TRIM62: variants seen among roughly 807,000 people sequenced by gnomAD.
TRIM62 encodes tripartite motif containing 62, also known as E3 ubiquitin-protein ligase TRIM62.
Under a neutral mutation model 44.2 loss-of-function variants are expected in TRIM62, and 39 were observed. The observed-to-expected ratio is 0.88, with a 90% CI of 0.68 to 1.15. The LOEUF is 1.15. Ranked by LOEUF, TRIM62 falls within the 50% of genes most tolerant of loss-of-function variation. The probability of loss-of-function intolerance (pLI) is 0.00; values close to 1 mark genes in which losing one functional copy is unlikely to be tolerated. For missense variants in TRIM62, 544 were observed against 665.5 expected, an observed-to-expected ratio of 0.82 and a Z score of 2.01; for synonymous variants, 278 against 292.3, an observed-to-expected ratio of 0.95 and a Z score of 0.50.
At position 33,147,240 on chromosome 1, in the gene TRIM62, A is replaced by G; in HGVS notation, c.1365T>C (p.Pro455=). 6.2e-7 allele frequency: 1 copy of G among 1,614,056 alleles called. No homozygotes were observed. Among genetic ancestry groups the G allele is most frequent in the Non-Finnish European group, 8.5e-7 (1 of 1,180,030 alleles). Reference sequence around the variant, plus strand: ...TCTTGCCATTGGCGTGGCTCTGGCCAGGGCTGAAGTAAGAGCAGAGCTTGC... The same window carrying G: ...TCTTGCCATTGGCGTGGCTCTGGCCGGGGCTGAAGTAAGAGCAGAGCTTGC... The part of the protein sequence containing the change: ...FPGKLCSYFS[P]GQSHANGKNV... The change falls in exon 5 of 5, where the codon CCT becomes CCC. Residue 455 remains proline (P), a synonymous_variant. Coordinates refer to ENST00000291416, the MANE Select transcript of TRIM62 (RefSeq NM_018207.3). The surrounding 1 kb of genome is among the most constrained non-coding windows in gnomAD (Gnocchi z 8.1).
At chr1:33,152,028 T>C (rs1476779997) in intron 4 of TRIM62, among the ~76,000 whole-genome samples, 1 of 152,228 alleles carries the variant, frequency 6.6e-6, no homozygotes, top group Non-Finnish European at 1.5e-5. Flanking sequence ...CCCTCAGATG[T>C]ACAGGGCAGA....
chr1:33,180,969 C>G, intron 1 of TRIM62, 56 bp downstream of exon 1: 1 of 575,642 alleles, frequency 1.7e-6, no homozygotes, highest in Non-Finnish European at 2.9e-6. Flanking sequence ...CACCCCCCGC[C>G]CGGCCCCACC....
At chr1:33,164,786 C>G (rs1049959792) in intron 2 of TRIM62, 1 of 151,538 alleles carries the variant, frequency 6.6e-6, no homozygotes, top group South Asian at 2.1e-4. Flanking sequence ...TTCATTCATT[C>G]ATTCATTTTA....
chr1:33,158,435 G>A (rs1010885874), intron 3 of TRIM62, 67 bp from the exon 4 acceptor site: 29 of 1,320,594 alleles, frequency 2.2e-5, no homozygotes, highest in South Asian at 8.3e-5. Flanking sequence ...CAGGGGCCCC[G>A]CAGCCACCTT....
At position 33,174,996 on chromosome 1, in the gene TRIM62, C is replaced by CATGTATTT. The variant is rs1557762514; in HGVS notation, c.408+6028_408+6029insAAATACAT. The stretch of plus-strand genomic sequence containing the variant: ...ACACATATACATATATATGCACACA[C>CATGTATTT]ACATGTATGTATATGTATATGTATA... On this transcript the variant is annotated intron_variant, in intron 1 of 4. Transcript: ENST00000291416. 3.3e-3 allele frequency among the ~76,000 whole-genome samples: 154 copies of CATGTATTT among 46,696 alleles called. 2 individuals carry two copies. The highest frequency in any genetic ancestry group is 0.012 in the African/African-American group (128 of 10,942). 30.6% of individuals were successfully genotyped at this position (46,696 alleles called of 152,430 possible). A position where few individuals can be genotyped will look rare whatever the true frequency, so the allele number is the denominator to read the frequency against.
Position 33,165,525 on chromosome 1 carries a change from C to T in TRIM62, c.450G>A (p.Glu150=), listed in dbSNP as rs1293130079. 6.2e-7 allele frequency: 1 copy of T among 1,611,218 alleles called. No homozygotes were observed. The highest frequency in any genetic ancestry group is 1.7e-5 in the Admixed American group (1 of 59,798). ...KDQLQALQDS[E]REHTEALQLL... is the part of the protein sequence containing the mutation. ...GCTGCAGCGCTTCGGTGTGTTCCCG[C>T]TCGCTGTCTTGAAGGGCCTGAAGTT... Residue 150 remains glutamate (E), a synonymous_variant, in exon 2 of 5, where the codon GAG becomes GAA. Transcript: ENST00000291416. The surrounding 1 kb of genome is among the most constrained non-coding windows in gnomAD (Gnocchi z 4.0).
At chr1:33,180,899 C>T (rs1400300284) in intron 1 of TRIM62, 126 bp downstream of exon 1, 5 of 430,026 alleles carry the variant, frequency 1.2e-5, no homozygotes, top group Non-Finnish European at 1.8e-5. Flanking sequence ...CCTGACCTTG[C>T]TGGCGGCCCC....
intron 4 of TRIM62, 72 bp downstream of exon 4, chr1:33,158,181 T>G: frequency 7.1e-7 from 1 of 1,413,728 alleles, no homozygotes; most frequent in Non-Finnish European, 1.0e-6. Flanking sequence ...CCATGCTGTG[T>G]TTAGGACAGG....
Position 33,159,016 on chromosome 1 carries a change from T to G in TRIM62, c.762-648A>C, listed in dbSNP as rs1557754538. On this transcript the variant is annotated intron_variant, in intron 3 of 4. Transcript: ENST00000291416. The surrounding 1 kb of genome is among the most constrained non-coding windows in gnomAD (Gnocchi z 4.2). ...CCACCACGCCCGGCTAATTTTTGTA[T>G]TTTTTTTTAGTAGAGACGGGGTTTC... Among the ~76,000 whole-genome samples the G allele has an allele frequency of 6.6e-6, 1 of 150,570 alleles. No individual in the cohort carries two copies. The highest frequency in any genetic ancestry group is 6.6e-5 in the Admixed American group (1 of 15,098).
At chr1:33,150,660 C>A (rs1645083478) in intron 4 of TRIM62, among the ~76,000 whole-genome samples, 1 of 152,180 alleles carries the variant, frequency 6.6e-6, no homozygotes, top group African/African-American at 2.4e-5. Context: ...TCTGACTGGC[C>A]ACAGGCAGCT....
intron 1 of TRIM62, among the ~76,000 whole-genome samples, chr1:33,170,244 C>T (rs911264620): frequency 4.6e-5 from 7 of 151,764 alleles, no homozygotes; most frequent in Admixed American, 1.3e-4. Context: ...GAGCAAGAAT[C>T]GCTTTAACCC....
Position 33,165,622 on chromosome 1 carries a change from C to T in TRIM62, c.409-56G>A. ...AGGGGCCATGCCTGGCCCAGGCATT[C>T]AGCCCTGACCACTGCCAGGCGCTGG... On this transcript the variant is annotated intron_variant, in intron 1 of 4. Transcript: ENST00000291416. This position sits in a 1 kb window ranked among gnomAD's most constrained non-coding sequence, Gnocchi z 4.0. The T allele has an allele frequency of 6.9e-7, 1 of 1,456,108 alleles. No homozygotes were observed. Among genetic ancestry groups the T allele is most frequent in the Non-Finnish European group, 9.3e-7 (1 of 1,079,150 alleles). The allele number at this position is 1,456,108 out of a possible 1,614,324, so 90.2% of individuals were successfully genotyped here. A position where few individuals can be genotyped will look rare whatever the true frequency, so the allele number is the denominator to read the frequency against.
intron 4 of TRIM62, among the ~76,000 whole-genome samples, chr1:33,154,341 AC>A (rs1362880468): frequency 6.6e-6 from 1 of 152,126 alleles, no homozygotes; most frequent in East Asian, 1.9e-4. Flanking sequence ...CTCAGCTGCC[AC>A]CTGCTCCATG....
Position 33,176,520 on chromosome 1 carries a change from G to T in TRIM62, c.408+4505C>A. The stretch of plus-strand genomic sequence containing the variant: ...GGAGGGGGCGGCTGAGACTGAATCG[G>T]ATCCCCTCTCTGGGGGTTAGGAACC... On this transcript the variant is annotated intron_variant, in intron 1 of 4. Coordinates refer to ENST00000291416, the MANE Select transcript of TRIM62 (RefSeq NM_018207.3). The T allele has an allele frequency of 6.1e-6, 4 of 659,326 alleles. No individual in the cohort carries two copies. The South Asian group carries it at 6.2e-5, about 10-fold the overall frequency. The allele number at this position is 659,326 out of a possible 1,614,324, so 40.8% of individuals were successfully genotyped here. A position where few individuals can be genotyped will look rare whatever the true frequency, so the allele number is the denominator to read the frequency against.
intron 4 of TRIM62, among the ~76,000 whole-genome samples, chr1:33,157,185 G>A (rs1645190815): frequency 6.6e-6 from 1 of 152,170 alleles, no homozygotes; most frequent in Non-Finnish European, 1.5e-5. Context: ...CCCTCGTGGT[G>A]TCTGGCCACT....
At chr1:33,176,680 T>C in intron 1 of TRIM62, 1 of 409,658 alleles carries the variant, frequency 2.4e-6, no homozygotes. Flanking sequence ...TGGGAGACAA[T>C]TACCCAGCCC....
At chr1:33,178,230 C>T (rs1557763974) in intron 1 of TRIM62, among the ~76,000 whole-genome samples, 1 of 152,194 alleles carries the variant, frequency 6.6e-6, no homozygotes, top group African/African-American at 2.4e-5. Flanking sequence ...GTCTGTAATT[C>T]TGCAGAAGGG....
chr1:33,147,599 C>T lies in TRIM62; in HGVS notation c.1006G>A (p.Val336Met). Residue 336 changes from valine (V) to methionine (M), a missense_variant, in exon 5 of 5, where the codon GTG becomes ATG. Coordinates refer to ENST00000291416, the MANE Select transcript of TRIM62 (RefSeq NM_018207.3). This position sits in a 1 kb window ranked among gnomAD's most constrained non-coding sequence, Gnocchi z 8.1. ...TCAGAACCCAGCACCGACACCTCCA[C>T]ATCGAAGCGCTTTGGCGAGTCCTGC... is the stretch of plus-strand genomic sequence containing the variant. ...PLQDSPKRFD[V>M]EVSVLGSEAF... The T allele has an allele frequency of 6.2e-7, 1 of 1,614,166 alleles. No individual in the cohort carries two copies.
rs1387330460 is a variant in TRIM62 at position 33,145,904 on chromosome 1, G to A, written c.*1273C>T. The A allele has an allele frequency of 4.2e-6, 2 of 471,162 alleles. No homozygotes were observed. The highest frequency in any genetic ancestry group is 6.9e-5 in the East Asian group (1 of 14,398). The allele number at this position is 471,162 out of a possible 1,614,324, so 29.2% of individuals were successfully genotyped here. The stretch of plus-strand genomic sequence containing the variant: ...AGACTCCCTTGCAGCCAAGGTTCTG[G>A]ATCTGACTTAAGTTCCCCCAAACAG... On this transcript the variant is annotated 3_prime_UTR_variant, in exon 5 of 5. Coordinates refer to ENST00000291416, the MANE Select transcript of TRIM62 (RefSeq NM_018207.3).
Sources: gnomAD v4.1 joint callset for allele counts (sites outside exome capture counted in the v4.1 genomes callset) on GRCh38, gnomAD v4.1.1 for gene constraint, Gnocchi (gnomAD v3.1) non-coding constraint, MANE v1.5 for transcripts, NCBI Gene and HGNC (gene_info 2026-07-23, HGNC 2026-07-21) for gene names.